The following PITPNB variants were observed in gnomAD, a reference collection of about 807,000 sequenced individuals.
PITPNB encodes phosphatidylinositol transfer protein beta isoform.
PITPNB carries 16 observed loss-of-function variants against 45.9 expected under a neutral mutation model. That is an observed-to-expected ratio of 0.35 (90% CI 0.24 to 0.53). The LOEUF (loss-of-function observed/expected upper bound fraction) is 0.53, where lower values mean the gene tolerates loss of function less well. Ranked by LOEUF, PITPNB falls within the 20% of genes least tolerant of loss-of-function variation. The pLI, the probability that PITPNB is intolerant of heterozygous loss-of-function variation, is 0.93. For missense variants in PITPNB, 188 were observed against 330.5 expected (o/e 0.57, Z 3.34); for synonymous variants, 112 against 108.9 (o/e 1.03, Z -0.18).
chr22:27,896,273 G>T (rs1935428490), intron 6 of PITPNB, among the ~76,000 whole-genome samples: 1 of 152,190 alleles, frequency 6.6e-6, no homozygotes, highest in Non-Finnish European at 1.5e-5. Context: ...CTAAAATTGG[G>T]CTGGGGATTA....
At chr22:27,865,580 G>A (rs1368851187) in intron 8 of PITPNB, among the ~76,000 whole-genome samples, 3 of 152,184 alleles carry the variant, frequency 2.0e-5, no homozygotes, top group Non-Finnish European at 2.9e-5. Flanking sequence ...CACTCTCAGA[G>A]CAATGTTCTA....
At position 27,919,159 on chromosome 22, in the gene PITPNB, C is replaced by G; in HGVS notation, c.20+13G>C. ...CGTCCCACGGCCTCGCTCGCGCCCACAGACCCACTCACAATTCCTTGATCA... is the reference window on the plus strand; with the variant it reads ...CGTCCCACGGCCTCGCTCGCGCCCAGAGACCCACTCACAATTCCTTGATCA... On this transcript the variant is annotated intron_variant, in intron 1 of 11. Coordinates refer to ENST00000335272, the MANE Select transcript of PITPNB (RefSeq NM_012399.5). 1.2e-6 allele frequency: 2 copies of G among 1,614,082 alleles called. No homozygotes were observed. The highest frequency in any genetic ancestry group is 2.2e-5 in the South Asian group (2 of 91,086).
intron 1 of PITPNB, among the ~76,000 whole-genome samples, chr22:27,916,400 C>A (rs937941984): frequency 6.6e-6 from 1 of 152,226 alleles, no homozygotes; most frequent in African/African-American, 2.4e-5. Flanking sequence ...GAATCAGTAA[C>A]TAGTTCTTTA....
chr22:27,854,930 T>G lies in PITPNB; in HGVS notation c.778A>C (p.Arg260=). 1 of 1,612,750 alleles carries G rather than the reference T, an allele frequency of 6.2e-7. No homozygotes were observed. The highest frequency in any genetic ancestry group is 8.5e-7 in the Non-Finnish European group (1 of 1,178,806). ...GCCGACGTGCCTCGAACGGAACCCC[T>G]CTTACGCATCTAAACGTAAAATAAA... The part of the protein sequence containing the change: ...TQKELETMRK[R]GSVRGTSAAD... Residue 260 remains arginine (R), a synonymous_variant, in exon 11 of 12, where the codon AGG becomes CGG. Transcript: ENST00000335272.
chr22:27,874,436 C>A (rs1053151123), intron 7 of PITPNB, among the ~76,000 whole-genome samples: 1 of 152,078 alleles, frequency 6.6e-6, no homozygotes, highest in Non-Finnish European at 1.5e-5. Context: ...TCAAAGGAGG[C>A]GAAGGAGGGG....
chr22:27,886,049 G>T (rs113884612), intron 7 of PITPNB, among the ~76,000 whole-genome samples: 4,183 of 152,314 alleles, frequency 0.027, 59 homozygotes, highest in Non-Finnish European at 0.032. Context: ...CGTGAGGTGT[G>T]TCCTGCTGGA....
At chr22:27,885,233 A>T (rs1321872353) in intron 7 of PITPNB, among the ~76,000 whole-genome samples, 1 of 132,550 alleles carries the variant, frequency 7.5e-6, no homozygotes, top group Non-Finnish European at 1.5e-5. Context: ...AAAAAAAAAA[A>T]AAAAAAAAAA....
At position 27,853,612 on chromosome 22, in the gene PITPNB, T is replaced by G. The variant is rs916861482; in HGVS notation, c.*90A>C. On this transcript the variant is annotated 3_prime_UTR_variant, in exon 12 of 12. Transcript: ENST00000335272. ...CTGCAAGATACTGGTCAGATTCTTC[T>G]TCACTCATCACTGGCTGCGCTTGTT... 1 of 1,550,294 alleles carries G rather than the reference T, an allele frequency of 6.5e-7. No individual in the cohort carries two copies. The highest frequency in any genetic ancestry group is 1.4e-5 in the African/African-American group (1 of 73,034).
intron 10 of PITPNB, among the ~76,000 whole-genome samples, chr22:27,855,731 A>G (rs1934154121): frequency 1.3e-5 from 2 of 152,216 alleles, no homozygotes; most frequent in Non-Finnish European, 2.9e-5. Context: ...AGGCAGGGGC[A>G]TTCCTCGTGT....
At chr22:27,861,016 C>A (rs1463996534) in intron 8 of PITPNB, among the ~76,000 whole-genome samples, 1 of 129,186 alleles carries the variant, frequency 7.7e-6, no homozygotes, top group Admixed American at 8.2e-5. Context: ...AGCAAGACCC[C>A]ATTTCTGGAA....
At chr22:27,885,930 A>G (rs1935111672) in intron 7 of PITPNB, among the ~76,000 whole-genome samples, 1 of 152,222 alleles carries the variant, frequency 6.6e-6, no homozygotes, top group Non-Finnish European at 1.5e-5. Flanking sequence ...GGAAACAGAA[A>G]TGATGAGTAC....
rs1934738836 is a variant in PITPNB, at chr22:27,873,775, A to T, written c.497T>A (p.Val166Asp). Residue 166 changes from valine to aspartate, a missense_variant, in exon 8 of 12, where the codon GTC becomes GAC. Val to Asp is a radical substitution (Grantham distance 152). Coordinates refer to ENST00000335272, the MANE Select transcript of PITPNB (RefSeq NM_012399.5). ...ADEDPALFQS[V>D]KTKRGPLGPN... ...TCCCAAAGGGCCTCTCTTGGTCTTG[A>T]CTGACTGGAATAATGCTGGGTCTTC... The T allele has an allele frequency of 6.2e-7, 1 of 1,613,230 alleles. No homozygotes were observed. The highest frequency in any genetic ancestry group is 8.5e-7 in the Non-Finnish European group (1 of 1,179,220).
chr22:27,888,266 G>A (rs563207871), intron 7 of PITPNB, among the ~76,000 whole-genome samples: 5 of 152,238 alleles, frequency 3.3e-5, no homozygotes, highest in South Asian at 2.1e-4. Context: ...ATCAGTTCCC[G>A]ATTGATAAAG....
chr22:27,856,793 G>C (rs1934186981), intron 10 of PITPNB, among the ~76,000 whole-genome samples: 1 of 152,326 alleles, frequency 6.6e-6, no homozygotes, highest in East Asian at 1.9e-4. Flanking sequence ...CCAGCTGCTT[G>C]GAAGAGCCAA....
intron 8 of PITPNB, among the ~76,000 whole-genome samples, chr22:27,869,515 CATTAAACAT>C (rs66966332): frequency 0.068 from 10,335 of 152,132 alleles, 450 homozygotes; most frequent in East Asian, 0.2. Context: ...TAAAATCACT[CATTAAACAT>C]ATATAACCAC....
intron 4 of PITPNB, among the ~76,000 whole-genome samples, chr22:27,897,526 A>C (rs1438742030): frequency 6.6e-6 from 1 of 152,198 alleles, no homozygotes; most frequent in Non-Finnish European, 1.5e-5. Context: ...CACCCTTCTG[A>C]GTGTAAACGA....
chr22:27,872,786 G>T (rs1228964262), intron 8 of PITPNB, among the ~76,000 whole-genome samples: 1 of 152,156 alleles, frequency 6.6e-6, no homozygotes, highest in Non-Finnish European at 1.5e-5. Flanking sequence ...GCATGTTTAA[G>T]TTTTTATGCT....
chr22:27,910,075 C>G (rs772824524), intron 3 of PITPNB, among the ~76,000 whole-genome samples: 19 of 151,984 alleles, frequency 1.3e-4, no homozygotes, highest in Admixed American at 3.3e-4. Flanking sequence ...CTCAGCCTCC[C>G]AAGTAGCTGG....
At chr22:27,873,365 T>C (rs997409206) in intron 8 of PITPNB, among the ~76,000 whole-genome samples, 5 of 152,208 alleles carry the variant, frequency 3.3e-5, no homozygotes, top group African/African-American at 7.2e-5. Context: ...GAATATGAGC[T>C]TGGGTGAAGG....
Sources: gnomAD v4.1 joint callset for allele counts (sites outside exome capture counted in the v4.1 genomes callset) on GRCh38, gnomAD v4.1.1 for gene constraint, MANE v1.5 for transcripts, NCBI Gene and HGNC (gene_info 2026-07-23, HGNC 2026-07-21) for gene names.